Variants in GRIN1 observed in about 807,000 individuals in gnomAD.
The protein encoded by GRIN1 is glutamate receptor ionotropic, NMDA 1.
A neutral mutation model predicts 103.0 loss-of-function variants in GRIN1; 38 were observed. That is an observed-to-expected ratio of 0.37 (90% CI 0.28 to 0.48). The LOEUF (loss-of-function observed/expected upper bound fraction) is 0.48, where lower values mean the gene tolerates loss of function less well. GRIN1 is among the 20% of genes least tolerant of loss of function. The pLI is 0.98. For missense variants in GRIN1, 577 were observed against 1,288.9 expected (o/e 0.45, Z 8.46); for synonymous variants, 544 against 532.7 (o/e 1.02, Z -0.29).
At chr9:137,147,933 G>C (rs553727103) in intron 3 of GRIN1, among the ~76,000 whole-genome samples, 46 of 152,096 alleles carry the variant, frequency 3.0e-4, no homozygotes, top group Non-Finnish European at 4.6e-4. Context: ...GCACAGCTTC[G>C]TGGCAGGGAG....
chr9:137,148,891 C>A (rs555914482), intron 3 of GRIN1, 118 bp from the exon 4 acceptor site: 2 of 759,824 alleles, frequency 2.6e-6, no homozygotes, highest in Non-Finnish European at 4.6e-6. Flanking sequence ...CAGGCGCAGA[C>A]CATGGCAGCC....
intron 19 of GRIN1, 54 bp from the exon 20 acceptor site, chr9:137,167,357 G>A: frequency 7.3e-7 from 1 of 1,372,044 alleles, no homozygotes; most frequent in Non-Finnish European, 1.0e-6. Context: ...GAGGGCTGGG[G>A]TCCCTGGCGG....
rs201935783 is a variant in GRIN1 at position 137,163,515 on chromosome 9, C to T, written c.2334-44C>T. ...CCGCCCCCAGCTTGCTCCTTCCCGT[C>T]CTGGGCCCCGCCTCACTGCAGGCTC... On this transcript the variant is annotated intron_variant, in intron 16 of 19. Coordinates refer to ENST00000371561, the MANE Select transcript of GRIN1 (RefSeq NM_007327.4). The T allele has an allele frequency of 6.6e-6, 9 of 1,357,850 alleles. No homozygotes were observed. In the Admixed American group the frequency reaches 1.2e-4, roughly 18 times the overall value. The allele number at this position is 1,357,850 out of a possible 1,614,324, so 84.1% of individuals were successfully genotyped here.
chr9:137,161,151 C>G lies in GRIN1; in HGVS notation c.1293C>G (p.Val431=). Residue 431 remains valine, a synonymous_variant, in exon 9 of 20, where the codon GTC becomes GTG. Transcript: ENST00000371561. ...KEEFTVNGDP[V]KKVICTGPND... ...AGTTCACAGTCAACGGCGACCCAGT[C>G]AAGAAGGTGATCTGCACCGGGCCCA... is the stretch of plus-strand genomic sequence containing the variant. 1.2e-6 allele frequency: 2 copies of G among 1,612,462 alleles called. No individual in the cohort carries two copies. Among genetic ancestry groups the G allele is most frequent in the Non-Finnish European group, 1.7e-6 (2 of 1,179,794 alleles).
intron 4 of GRIN1, among the ~76,000 whole-genome samples, chr9:137,154,432 CTTTTTTTTTT>C (rs543160973): frequency 3.0e-4 from 13 of 42,956 alleles, no homozygotes; most frequent in African/African-American, 1.1e-3. Flanking sequence ...GCTCCAACAA[CTTTTTTTTTT>C]TTTTTTTTTT....
Position 137,162,640 on chromosome 9 carries a change from C to T in GRIN1, c.1914C>T (p.Gly638=), listed in dbSNP as rs1833620509. Residue 638 remains glycine (G), a synonymous_variant, in exon 14 of 20, where the codon GGC becomes GGT. Transcript: ENST00000371561. ...SARILGMVWA[G]FAMIIVASYT... is the part of the protein sequence containing the mutation. ...GCATCCTGGGCATGGTGTGGGCCGG[C>T]TTTGCCATGATCATCGTGGCCTCCT... is the stretch of plus-strand genomic sequence containing the variant. The T allele has an allele frequency of 6.2e-7, 1 of 1,612,730 alleles. No homozygotes were observed. Among genetic ancestry groups the T allele is most frequent in the Non-Finnish European group, 8.5e-7 (1 of 1,179,734 alleles).
intron 2 of GRIN1, among the ~76,000 whole-genome samples, chr9:137,144,267 C>T (rs1203325521): frequency 6.6e-6 from 1 of 151,962 alleles, no homozygotes; most frequent in East Asian, 1.9e-4. Flanking sequence ...GGAGGAGAGG[C>T]CGGGGTGGGA....
chr9:137,151,053 TCCCGCCCAGGGAAAGC>T (rs1832858404), intron 4 of GRIN1, among the ~76,000 whole-genome samples: 1 of 14,432 alleles, frequency 6.9e-5, no homozygotes. Context: ...CCAGAAAAAG[TCCCGCCCAGGGAAAGC>T]CCCGCCCAGA....
In GRIN1 at chr9:137,139,840, C is replaced by T; in HGVS notation, c.258+96C>T. On this transcript the variant is annotated intron_variant, in intron 1 of 19. Coordinates refer to ENST00000371561, the MANE Select transcript of GRIN1 (RefSeq NM_007327.4). The surrounding 1 kb of genome is among the most constrained non-coding windows in gnomAD (Gnocchi z 7.7). ...TCCATCCTTTCCGTGCCCCCTTCCT[C>T]CCTGTAAGACACCACCCCAGAGTCA... The T allele has an allele frequency of 1.0e-6, 1 of 983,728 alleles. No individual in the cohort carries two copies. Among genetic ancestry groups the T allele is most frequent in the Non-Finnish European group, 1.6e-6 (1 of 621,896 alleles). The allele number at this position is 983,728 out of a possible 1,614,324, so 60.9% of individuals were successfully genotyped here. A position where few individuals can be genotyped will look rare whatever the true frequency, so the allele number is the denominator to read the frequency against.
chr9:137,165,951 C>A (rs2131310179), intron 19 of GRIN1, among the ~76,000 whole-genome samples: 1 of 152,320 alleles, frequency 6.6e-6, no homozygotes, highest in East Asian at 1.9e-4. Context: ...GGAGTTGGAA[C>A]TGGCCCCGGC....
chr9:137,141,935 C>T (rs1832193541), intron 1 of GRIN1, 78 bp from the exon 2 acceptor site: 2 of 1,510,782 alleles, frequency 1.3e-6, no homozygotes, highest in South Asian at 1.1e-5. Context: ...TCAGCCCCTG[C>T]TGCTTCCAGA....
Position 137,162,854 on chromosome 9 carries a change from C to T in GRIN1, c.2022C>T (p.Asn674=), listed in dbSNP as rs1057522019. The stretch of plus-strand genomic sequence containing the variant: ...GCCCTCCGACCCTGCAGCTGAGGAA[C>T]CCCTCGGACAAGTTTATCTACGCCA... ...ITGINDPRLR[N]PSDKFIYATV... Residue 674 remains asparagine (N), a synonymous_variant, in exon 15 of 20, where the codon AAC becomes AAT. Transcript: ENST00000371561. 6.2e-7 allele frequency: 1 copy of T among 1,612,246 alleles called. No homozygotes were observed. The highest frequency in any genetic ancestry group is 2.2e-5 in the East Asian group (1 of 44,872).
chr9:137,145,602 G>T (rs1330844892), intron 2 of GRIN1, 124 bp from the exon 3 acceptor site: 1 of 711,628 alleles, frequency 1.4e-6, no homozygotes, highest in Non-Finnish European at 2.4e-6. Context: ...CCCCATGGGG[G>T]TGGGGACAGG....
Position 137,149,039 on chromosome 9 carries a change from A to T in GRIN1, c.601A>T (p.Thr201Ser). 1 of 1,613,618 alleles carries T rather than the reference A, an allele frequency of 6.2e-7. No individual in the cohort carries two copies. Among genetic ancestry groups the T allele is most frequent in the Admixed American group, 1.7e-5 (1 of 59,990 alleles). The change falls in exon 4 of 20, where the codon ACC becomes TCC. Residue 201 changes from threonine (T) to serine (S), a missense_variant. Coordinates refer to ENST00000371561, the MANE Select transcript of GRIN1 (RefSeq NM_007327.4). ...GAAGGTGCTGCAGTTTGACCCAGGG[A>T]CCAAGAACGTGACGGCCCTGCTGAT... ...AEKVLQFDPG[T>S]KNVTALLMEA...
Position 137,149,076 on chromosome 9 carries a change from A to T in GRIN1, c.638A>T (p.Glu213Val). The change falls in exon 4 of 20, where the codon GAG becomes GTG. Residue 213 changes from glutamate to valine, a missense_variant. Physicochemically the swap from Glu to Val is moderately radical, Grantham distance 121. Coordinates refer to ENST00000371561, the MANE Select transcript of GRIN1 (RefSeq NM_007327.4). ...NVTALLMEAKELEARVIILSA... is the reference protein window; with the variant it reads ...NVTALLMEAKVLEARVIILSA... ...ACGGCCCTGCTGATGGAGGCGAAAG[A>T]GCTGGAGGCCCGGGTCATCATCCTT... The T allele has an allele frequency of 6.2e-7, 1 of 1,613,042 alleles. No individual in the cohort carries two copies. The highest frequency in any genetic ancestry group is 8.5e-7 in the Non-Finnish European group (1 of 1,179,386).
Position 137,163,680 on chromosome 9 carries a change from T to C in GRIN1, c.2443+12T>C, listed in dbSNP as rs1344046917. The C allele has an allele frequency of 6.2e-7, 1 of 1,612,620 alleles. No homozygotes were observed. The highest frequency in any genetic ancestry group is 1.1e-5 in the South Asian group (1 of 91,052). On this transcript the variant is annotated intron_variant, in intron 17 of 19. Coordinates refer to ENST00000371561, the MANE Select transcript of GRIN1 (RefSeq NM_007327.4). ...TGAGAACATGGCCGGTGCGTTCTCC[T>C]TCATCCATTCTCGGGTGGGTTCTCC...
At chr9:137,145,393 G>A (rs1261803957) in intron 2 of GRIN1, among the ~76,000 whole-genome samples, 3 of 134,334 alleles carry the variant, frequency 2.2e-5, no homozygotes, top group Non-Finnish European at 4.9e-5. Context: ...ACACGAGGGG[G>A]TCCCAGGGTC....
rs1429419423 is a variant in GRIN1 at position 137,145,494 on chromosome 9, G to GAT, written c.394-232_394-231insAT. Among the ~76,000 whole-genome samples, 158 of 121,446 alleles carry GAT rather than the reference G, an allele frequency of 1.3e-3. 16 individuals are homozygous for GAT. The highest frequency in any genetic ancestry group is 5.1e-3 in the African/African-American group (153 of 29,832). The allele number at this position is 121,446 out of a possible 152,430, so 79.7% of individuals were successfully genotyped here. Reference sequence around the variant, plus strand: ...GTGTCCCCAGCGGGGTGGGGACAGGGGTGGGAGACACGAGGGGGTCCCAGG... The same window carrying GAT: ...GTGTCCCCAGCGGGGTGGGGACAGGGATGTGGGAGACACGAGGGGGTCCCAGG... On this transcript the variant is annotated intron_variant, in intron 2 of 19. Coordinates refer to ENST00000371561, the MANE Select transcript of GRIN1 (RefSeq NM_007327.4).
At position 137,168,364 on chromosome 9, in the gene GRIN1, C is replaced by T. The variant is rs954377989; in HGVS notation, c.*837C>T. 5.1e-5 allele frequency: 9 copies of T among 177,782 alleles called. No individual in the cohort carries two copies. The highest frequency in any genetic ancestry group is 9.3e-5 in the Non-Finnish European group (8 of 85,964). 11.0% of individuals were successfully genotyped at this position (177,782 alleles called of 1,614,324 possible). A position where few individuals can be genotyped will look rare whatever the true frequency, so the allele number is the denominator to read the frequency against. On this transcript the variant is annotated 3_prime_UTR_variant, in exon 20 of 20. Transcript: ENST00000371561. Reference sequence around the variant, plus strand: ...GGCTGGCCCTGCCCTCCCCCACGGCCGTCCCTGACTTCCCAGCTGGCAGCG... The same window carrying T: ...GGCTGGCCCTGCCCTCCCCCACGGCTGTCCCTGACTTCCCAGCTGGCAGCG...
Sources: allele counts gnomAD v4.1 joint callset (sites outside exome capture counted in the v4.1 genomes callset), GRCh38; gene constraint gnomAD v4.1.1; non-coding constraint Gnocchi (gnomAD v3.1); transcripts MANE v1.5; gene names NCBI Gene and HGNC (gene_info 2026-07-23, HGNC 2026-07-21).